DNAH5: variants seen among roughly 807,000 people sequenced by gnomAD.
The protein encoded by DNAH5 is axonemal beta dynein heavy chain 5.
Under a neutral mutation model 518.2 loss-of-function variants are expected in DNAH5, and 372 were observed. The ratio of observed to expected loss-of-function variants is 0.72; its 90% CI spans 0.66 to 0.78. The LOEUF is 0.78. Among genes scored for constraint, DNAH5 ranks in the 30% least tolerant of loss-of-function variants. The pLI is 0.00. For missense variants in DNAH5, 5,523 were observed against 5,687.0 expected, an observed-to-expected ratio of 0.97 and a Z score of 0.93; for synonymous variants, 2,039 against 2,025.9, an observed-to-expected ratio of 1.01 and a Z score of -0.17.
intron 43 of DNAH5, among the ~76,000 whole-genome samples, chr5:13,812,701 T>C (rs1289950871): frequency 6.6e-6 from 1 of 152,170 alleles, no homozygotes; most frequent in African/African-American, 2.4e-5. Flanking sequence ...TAGAAAAATA[T>C]CAAGGATATT....
intron 22 of DNAH5, among the ~76,000 whole-genome samples, chr5:13,874,912 C>T (rs1770657059): frequency 6.6e-6 from 1 of 152,128 alleles, no homozygotes; most frequent in Non-Finnish European, 1.5e-5. Flanking sequence ...ATCCAATCAG[C>T]TATAGCAACA....
chr5:13,709,485 G>A (rs779213208), intron 75 of DNAH5, among the ~76,000 whole-genome samples: 1 of 152,044 alleles, frequency 6.6e-6, no homozygotes, highest in Non-Finnish European at 1.5e-5. Context: ...TACTATCAGG[G>A]TAACTCTTTC....
At chr5:13,851,660 T>C (rs1323500904) in intron 30 of DNAH5, among the ~76,000 whole-genome samples, 1 of 152,036 alleles carries the variant, frequency 6.6e-6, no homozygotes, top group Non-Finnish European at 1.5e-5. Context: ...CCAATGAGTA[T>C]ATACCATCAA....
rs11958721 is a variant in DNAH5, at chr5:13,866,175, A to G, written c.4116+45T>C. On this transcript the variant is annotated intron_variant, in intron 26 of 78. Coordinates refer to ENST00000265104, the MANE Select transcript of DNAH5 (RefSeq NM_001369.3). ...AAAACATATGTGTGTTTAAAACACAACAAAGTTTCATTGTTTAGAAAGTCA... is the reference window on the plus strand; with the variant it reads ...AAAACATATGTGTGTTTAAAACACAGCAAAGTTTCATTGTTTAGAAAGTCA... 3.8e-3 allele frequency: 5,998 copies of G among 1,575,336 alleles called. 214 individuals carry two copies. The African/African-American group carries it at 0.07, about 19-fold the overall frequency.
intron 70 of DNAH5, among the ~76,000 whole-genome samples, chr5:13,726,055 A>G (rs889446205): frequency 6.6e-6 from 1 of 152,242 alleles, no homozygotes; most frequent in Non-Finnish European, 1.5e-5. Flanking sequence ...AGTCACACTC[A>G]GCCAAAATGC....
chr5:13,823,892 C>T (rs1188369639), intron 39 of DNAH5, among the ~76,000 whole-genome samples: 1 of 152,188 alleles, frequency 6.6e-6, no homozygotes, highest in African/African-American at 2.4e-5. Context: ...CAGGCTCTAC[C>T]AGACTCCAAA....
At chr5:13,999,818 C>A (rs55806620) in intron 1 of DNAH5, among the ~76,000 whole-genome samples, 2 of 152,204 alleles carry the variant, frequency 1.3e-5, no homozygotes, top group Admixed American at 6.5e-5. Flanking sequence ...CAACAGCATG[C>A]AAGGGCTCCA....
chr5:13,800,479 C>T (rs1758577537), intron 47 of DNAH5, among the ~76,000 whole-genome samples: 1 of 152,130 alleles, frequency 6.6e-6, no homozygotes, highest in Admixed American at 6.5e-5. Flanking sequence ...CAAAAATTTC[C>T]ACATCTAACA....
chr5:13,860,653 A>T (rs1004929361), intron 29 of DNAH5: 1 of 152,192 alleles, frequency 6.6e-6, no homozygotes, highest in African/African-American at 2.4e-5. Flanking sequence ...GTCCCTGATG[A>T]TGTGGTAAAG....
intron 17 of DNAH5, among the ~76,000 whole-genome samples, 161 bp from the exon 18 acceptor site, chr5:13,886,290 G>T (rs1271869970): frequency 6.6e-6 from 1 of 152,170 alleles, no homozygotes; most frequent in Non-Finnish European, 1.5e-5. Context: ...CACAGGCCAG[G>T]TGTCCTCTAA....
intron 31 of DNAH5, among the ~76,000 whole-genome samples, chr5:13,845,504 G>A (rs1466332428): frequency 2.6e-5 from 4 of 151,962 alleles, no homozygotes; most frequent in Admixed American, 1.3e-4. Flanking sequence ...GCTGTGACGA[G>A]CTCCATGGAA....
chr5:14,011,788 T>G (rs1251617979), exon 1 of DNAH5, among the ~76,000 whole-genome samples: 1 of 152,178 alleles, frequency 6.6e-6, no homozygotes, highest in Non-Finnish European at 1.5e-5. Context: ...GCTAGCCGGC[T>G]GTTTGCTGCT....
intron 55 of DNAH5, among the ~76,000 whole-genome samples, chr5:13,774,890 A>T (rs1037970400): frequency 6.6e-6 from 1 of 152,184 alleles, no homozygotes; most frequent in Admixed American, 6.6e-5. Flanking sequence ...ATATTATAGT[A>T]TCTGTCACCT....
intron 65 of DNAH5, among the ~76,000 whole-genome samples, chr5:13,745,291 G>A (rs779818453): frequency 9.2e-5 from 14 of 152,008 alleles, no homozygotes; most frequent in Non-Finnish European, 1.9e-4. Context: ...ATCACCTTCT[G>A]GTAATAGCAG....
chr5:13,704,244 C>A (rs1742494566), intron 76 of DNAH5, among the ~76,000 whole-genome samples: 1 of 152,154 alleles, frequency 6.6e-6, no homozygotes, highest in Admixed American at 6.5e-5. Flanking sequence ...GCCCCTTCTG[C>A]TTTTATTACT....
intron 74 of DNAH5, among the ~76,000 whole-genome samples, chr5:13,715,264 C>T (rs1401724354): frequency 3.9e-5 from 6 of 152,286 alleles, no homozygotes; most frequent in East Asian, 1.9e-4. Flanking sequence ...TGAATCTTAT[C>T]CTTAACTTAA....
chr5:13,719,383 G>A (rs1389077559), intron 71 of DNAH5, among the ~76,000 whole-genome samples: 1 of 152,140 alleles, frequency 6.6e-6, no homozygotes, highest in Non-Finnish European at 1.5e-5. Context: ...GGACTTCCAA[G>A]TAAAGATGGC....
At chr5:13,896,756 T>C (rs1292289766) in intron 15 of DNAH5, 2 of 152,216 alleles carry the variant, frequency 1.3e-5, no homozygotes, top group Non-Finnish European at 2.9e-5. Flanking sequence ...GTACATAATG[T>C]CAAACTGTGT....
At chr5:13,886,170 T>C (rs1772412609) in intron 17 of DNAH5, 41 bp from the exon 18 acceptor site, 1 of 1,539,924 alleles carries the variant, frequency 6.5e-7, no homozygotes, top group African/African-American at 1.4e-5. Flanking sequence ...CACAGTGGTA[T>C]ATGGTTTATC....
Sources: gnomAD v4.1 joint callset for allele counts (sites outside exome capture counted in the v4.1 genomes callset) on GRCh38, gnomAD v4.1.1 for gene constraint, MANE v1.5 for transcripts, NCBI Gene and HGNC (gene_info 2026-07-23, HGNC 2026-07-21) for gene names.